SLC38A10: variants seen among roughly 807,000 people sequenced by gnomAD.
SLC38A10 encodes Sodium-coupled neutral amino acid transporter 10.
Under a neutral mutation model 81.0 loss-of-function variants are expected in SLC38A10, and 53 were observed. The ratio of observed to expected loss-of-function variants is 0.65; its 90% confidence interval spans 0.53 to 0.82. The LOEUF (loss-of-function observed/expected upper bound fraction) is 0.82. Ranked by LOEUF, SLC38A10 falls within the 40% of genes least tolerant of loss-of-function variation. The pLI, the probability that SLC38A10 is intolerant of heterozygous loss-of-function variation, is 0.00. For synonymous variants in SLC38A10, 665 were observed against 655.3 expected, an observed-to-expected ratio of 1.01 and a Z score of -0.23; for missense variants, 1,471 against 1,545.0, an observed-to-expected ratio of 0.95 and a Z score of 0.80.
intron 9 of SLC38A10, among the ~76,000 whole-genome samples, chr17:81,271,748 ATT>A (rs756214430): frequency 2.9e-4 from 35 of 121,104 alleles, no homozygotes; most frequent in Middle Eastern, 4.8e-3. Flanking sequence ...AAGCTGACAG[ATT>A]TTTTTTTTTT....
intron 8 of SLC38A10, among the ~76,000 whole-genome samples, chr17:81,273,800 G>A (rs1473801282): frequency 6.6e-6 from 1 of 152,180 alleles, no homozygotes; most frequent in African/African-American, 2.4e-5. Flanking sequence ...GGGTGAAGGA[G>A]CAGTGCACCC....
intron 1 of SLC38A10, among the ~76,000 whole-genome samples, chr17:81,293,024 G>A (rs1269753932): frequency 6.6e-6 from 1 of 152,180 alleles, no homozygotes; most frequent in East Asian, 1.9e-4. Flanking sequence ...ATTAGCCGGC[G>A]TGGTGGCACA....
chr17:81,284,908 A>G lies in SLC38A10; in HGVS notation c.218-13T>C. ...TAGGCGTGGAATGCTAGTGCAAAAG[A>G]AAAAGGAACACTCAATCCAACAGCG... is the stretch of plus-strand genomic sequence containing the variant. On this transcript the variant is annotated splice_polypyrimidine_tract_variant and intron_variant, in intron 2 of 15. Transcript: ENST00000374759. 6.5e-7 allele frequency: 1 copy of G among 1,542,680 alleles called. No homozygotes were observed. The highest frequency in any genetic ancestry group is 1.2e-5 in the South Asian group (1 of 82,942).
chr17:81,267,078 A>G (rs1310716674), intron 10 of SLC38A10, among the ~76,000 whole-genome samples: 2 of 152,178 alleles, frequency 1.3e-5, no homozygotes, highest in Admixed American at 1.3e-4. Flanking sequence ...CATGCAACTA[A>G]CATGCAACTA....
At position 81,289,866 on chromosome 17, in the gene SLC38A10, C is replaced by T. The variant is rs768507979; in HGVS notation, c.100-58G>A. ...GCAGCAGGTGCTCCCCAGAGGCCCT[C>T]ACCCCACACACGCGGCTCATGAGGA... On this transcript the variant is annotated intron_variant, in intron 1 of 15. Transcript: ENST00000374759. This position sits in a 1 kb window ranked among gnomAD's most constrained non-coding sequence, Gnocchi z 5.9. The T allele has an allele frequency of 7.2e-7, 1 of 1,392,624 alleles. No individual in the cohort carries two copies. Among genetic ancestry groups the T allele is most frequent in the Non-Finnish European group, 9.7e-7 (1 of 1,028,374 alleles). The allele number at this position is 1,392,624 out of a possible 1,614,324, so 86.3% of individuals were successfully genotyped here. A position where few individuals can be genotyped will look rare whatever the true frequency, so the allele number is the denominator to read the frequency against.
rs746335934 is a variant in SLC38A10, at chr17:81,246,014, C to T, written c.2902G>A (p.Glu968Lys). The T allele has an allele frequency of 3.1e-6, 5 of 1,609,212 alleles. No homozygotes were observed. Among genetic ancestry groups the T allele is most frequent in the Admixed American group, 3.3e-5 (2 of 59,816 alleles). Residue 968 changes from glutamate to lysine, a missense_variant, in exon 16 of 16, where the codon GAG becomes AAG. By Grantham distance (56) the Glu-to-Lys change is moderately conservative (BLOSUM62 1). Coordinates refer to ENST00000374759, the MANE Select transcript of SLC38A10 (RefSeq NM_001037984.3). ...QPELRVISDG[E>K]QGGQQGHRLD... ...CGGTGGCCCTGCTGTCCACCCTGCT[C>T]GCCATCAGAGATGACCCGCAGTTCC...
chr17:81,262,266 G>T (rs1038939223), intron 10 of SLC38A10, among the ~76,000 whole-genome samples: 2 of 152,250 alleles, frequency 1.3e-5, no homozygotes, highest in Non-Finnish European at 1.5e-5. Context: ...CCATCTTCAA[G>T]GCCCTGCCCT....
Position 81,295,138 on chromosome 17 carries a change from G to A in SLC38A10, c.-217C>T, listed in dbSNP as rs2063338760. On this transcript the variant is annotated 5_prime_UTR_variant, in exon 1 of 16. Transcript: ENST00000374759. Reference sequence around the variant, plus strand: ...AGCCTCGAAGGCCGGCTGCGGGGGCGAGGTCAACCTCCGGACCCCGCCAAG... The same window carrying A: ...AGCCTCGAAGGCCGGCTGCGGGGGCAAGGTCAACCTCCGGACCCCGCCAAG... 6 of 746,478 alleles carry A rather than the reference G, an allele frequency of 8.0e-6. No homozygotes were observed. In the South Asian group the frequency reaches 1.7e-4, roughly 22 times the overall value. The allele number at this position is 746,478 out of a possible 1,614,324, so 46.2% of individuals were successfully genotyped here. A position where few individuals can be genotyped will look rare whatever the true frequency, so the allele number is the denominator to read the frequency against.
At position 81,272,634 on chromosome 17, in the gene SLC38A10, A is replaced by T. The variant is rs749406201; in HGVS notation, c.913-7T>A. The T allele has an allele frequency of 6.5e-7, 1 of 1,534,878 alleles. No individual in the cohort carries two copies. Among genetic ancestry groups the T allele is most frequent in the Non-Finnish European group, 8.7e-7 (1 of 1,145,680 alleles). On this transcript the variant is annotated splice_polypyrimidine_tract_variant and splice_region_variant and intron_variant, in intron 8 of 15. Transcript: ENST00000374759. Reference sequence around the variant, plus strand: ...CAAAGGTGCCATCTTTTTGCTGTACAAAAGAAAAACAAAAGGTTTTGAAAT... The same window carrying T: ...CAAAGGTGCCATCTTTTTGCTGTACTAAAGAAAAACAAAAGGTTTTGAAAT...
chr17:81,256,793 G>A (rs953365284), intron 11 of SLC38A10, among the ~76,000 whole-genome samples: 1 of 152,252 alleles, frequency 6.6e-6, no homozygotes, highest in Admixed American at 6.5e-5. Context: ...CCAATCTTGA[G>A]CACACAGCTG....
chr17:81,270,795 G>T lies in SLC38A10; in HGVS notation c.1131+123C>A. On this transcript the variant is annotated intron_variant, in intron 10 of 15. Coordinates refer to ENST00000374759, the MANE Select transcript of SLC38A10 (RefSeq NM_001037984.3). This position sits in a 1 kb window ranked among gnomAD's most constrained non-coding sequence, Gnocchi z 4.0. ...CTGACTGGACCAAGTCCCTTTTGTG[G>T]GTTTTAAGTTTCTTGATAGAACCCA... 2.6e-6 allele frequency: 2 copies of T among 756,332 alleles called. No homozygotes were observed. Among genetic ancestry groups the T allele is most frequent in the Non-Finnish European group, 4.3e-6 (2 of 465,974 alleles). The allele number at this position is 756,332 out of a possible 1,614,324, so 46.9% of individuals were successfully genotyped here.
rs1165147768 is a variant in SLC38A10 at position 81,276,817 on chromosome 17, G to A, written c.729+214C>T. The stretch of plus-strand genomic sequence containing the variant: ...AGGTCAGGAGAGCTTCCTGGCCCAG[G>A]GTGGACCCAGGCTCACAGGGCTGGT... On this transcript the variant is annotated intron_variant, in intron 7 of 15. Coordinates refer to ENST00000374759, the MANE Select transcript of SLC38A10 (RefSeq NM_001037984.3). This position sits in a 1 kb window ranked among gnomAD's most constrained non-coding sequence, Gnocchi z 4.7. Among the ~76,000 whole-genome samples, 1 of 152,232 alleles carries A rather than the reference G, an allele frequency of 6.6e-6. No homozygotes were observed. The highest frequency in any genetic ancestry group is 2.4e-5 in the African/African-American group (1 of 41,462).
At position 81,269,969 on chromosome 17, in the gene SLC38A10, GA is replaced by G. The variant is rs764139887; in HGVS notation, c.1131+948del. On this transcript the variant is annotated intron_variant, in intron 10 of 15. Coordinates refer to ENST00000374759, the MANE Select transcript of SLC38A10 (RefSeq NM_001037984.3). ...ACAAGAGTGAAACTCTGTCTCAAAA[GA>G]AAAAAAAAATTATCAATATATTCCA... is the stretch of plus-strand genomic sequence containing the variant. 1.9e-3 allele frequency among the ~76,000 whole-genome samples: 284 copies of G among 148,262 alleles called. 4 individuals carry two copies. The East Asian group carries it at 0.021, about 11-fold the overall frequency.
chr17:81,263,192 G>C (rs377212962), intron 10 of SLC38A10: 1 of 152,376 alleles, frequency 6.6e-6, no homozygotes, highest in South Asian at 2.1e-4. Flanking sequence ...AGAACATCTC[G>C]AAACACACTG....
At chr17:81,259,422 C>A (rs2063001220) in intron 11 of SLC38A10, among the ~76,000 whole-genome samples, 1 of 152,218 alleles carries the variant, frequency 6.6e-6, no homozygotes, top group South Asian at 2.1e-4. Context: ...AGGCAGAAGA[C>A]CCCAGCGTGA....
chr17:81,247,932 AAAAC>A (rs1157183444), intron 14 of SLC38A10, among the ~76,000 whole-genome samples: 2 of 151,504 alleles, frequency 1.3e-5, no homozygotes, highest in Non-Finnish European at 2.9e-5. Flanking sequence ...GAGAATTTTA[AAAAC>A]AAACAAAAGC....
At position 81,252,634 on chromosome 17, in the gene SLC38A10, A is replaced by G; in HGVS notation, c.1506T>C (p.Pro502=). 2.5e-6 allele frequency: 4 copies of G among 1,611,890 alleles called. No homozygotes were observed. Among genetic ancestry groups the G allele is most frequent in the Non-Finnish European group, 3.4e-6 (4 of 1,179,860 alleles). The change falls in exon 13 of 16, where the codon CCT becomes CCC. Residue 502 remains proline, a synonymous_variant. Transcript: ENST00000374759. ...GEAHRHEPPV[P]HDKVVVDEGQ... is the part of the protein sequence containing the mutation. ...CTTCATCTACCACCACCTTGTCGTG[A>G]GGAACAGGAGGCTCGTGGCGGTGGG...
chr17:81,280,464 G>A (rs1187687731), intron 6 of SLC38A10, 145 bp downstream of exon 6: 23 of 1,234,562 alleles, frequency 1.9e-5, no homozygotes, highest in Admixed American at 5.5e-5. Context: ...AACCTGGGGC[G>A]GGAAAGGTCA....
intron 12 of SLC38A10, among the ~76,000 whole-genome samples, 187 bp downstream of exon 12, chr17:81,252,886 G>C (rs564877496): frequency 7.9e-5 from 12 of 152,348 alleles, no homozygotes; most frequent in Non-Finnish European, 1.6e-4. Context: ...CAAACAAGTT[G>C]CTCTGGGAGG....
Sources: allele counts gnomAD v4.1 joint callset (sites outside exome capture counted in the v4.1 genomes callset), GRCh38; gene constraint gnomAD v4.1.1; non-coding constraint Gnocchi (gnomAD v3.1); transcripts MANE v1.5; gene names NCBI Gene and HGNC (gene_info 2026-07-23, HGNC 2026-07-21).